KAZN: variants seen among roughly 807,000 people sequenced by gnomAD.
The protein encoded by KAZN is kazrin.
A neutral mutation model predicts 87.4 loss-of-function variants in KAZN; 40 were observed. The ratio of observed to expected loss-of-function variants is 0.46; its 90% CI spans 0.36 to 0.60. The LOEUF (loss-of-function observed/expected upper bound fraction) is 0.60, where lower values mean the gene tolerates loss of function less well. Ranked by LOEUF, KAZN falls within the 20% of genes least tolerant of loss-of-function variation. The probability of loss-of-function intolerance (pLI) is 0.00; values close to 1 mark genes in which losing one functional copy is unlikely to be tolerated. For synonymous variants in KAZN, 466 were observed against 458.3 expected (o/e 1.02, Z -0.22); for missense variants, 898 against 1,073.9 (o/e 0.84, Z 2.29).
intron 1 of KAZN, among the ~76,000 whole-genome samples, chr1:14,667,990 C>T (rs970796260): frequency 8.6e-5 from 13 of 152,020 alleles, no homozygotes; most frequent in African/African-American, 2.9e-4. Context: ...AAGCTCCAGG[C>T]GCAGGAATAA....
chr1:13,983,149 C>A (rs568250858), intron 1 of KAZN, among the ~76,000 whole-genome samples: 1 of 152,272 alleles, frequency 6.6e-6, no homozygotes, highest in Non-Finnish European at 1.5e-5. Context: ...CTGGCAGTCC[C>A]GCGCCCTGCG....
chr1:15,001,260 A>G (rs770819124), intron 2 of KAZN, among the ~76,000 whole-genome samples: 1 of 151,544 alleles, frequency 6.6e-6, no homozygotes, highest in Non-Finnish European at 1.5e-5. Context: ...TCAGGAGTTT[A>G]AGACCAGCCT....
chr1:14,874,505 G>A (rs935664126), intron 1 of KAZN, among the ~76,000 whole-genome samples: 1 of 151,904 alleles, frequency 6.6e-6, no homozygotes, highest in African/African-American at 2.4e-5. Context: ...TGGATGGATG[G>A]ATGGATGGAT....
intron 2 of KAZN, among the ~76,000 whole-genome samples, chr1:14,989,131 T>C (rs777304296): frequency 6.6e-6 from 1 of 152,240 alleles, no homozygotes; most frequent in Admixed American, 6.5e-5. Context: ...AGGAGCAGTT[T>C]AGCATTTCTC....
intron 1 of KAZN, among the ~76,000 whole-genome samples, chr1:14,059,613 C>A (rs2101508080): frequency 6.6e-6 from 1 of 152,366 alleles, no homozygotes; most frequent in African/African-American, 2.4e-5. Flanking sequence ...CTTACAGACA[C>A]ACCCAGTAAC....
At chr1:14,473,974 C>T (rs1044891023) in intron 2 of KAZN, among the ~76,000 whole-genome samples, 10 of 152,168 alleles carry the variant, frequency 6.6e-5, no homozygotes, top group South Asian at 2.1e-4. Context: ...CCATCATTCC[C>T]GGTCACATCA....
rs1650137146 is a variant in KAZN at position 14,856,603 on chromosome 1, A to C, written c.227-104081A>C. 6.6e-6 allele frequency among the ~76,000 whole-genome samples: 1 copy of C among 152,224 alleles called. No homozygotes were observed. Among genetic ancestry groups the C allele is most frequent in the African/African-American group, 2.4e-5 (1 of 41,462 alleles). ...TTTATTTCTATTTTGGTAGCTCAAC[A>C]ATTCACTAAGTGTGATGCAGCCACA... is the stretch of plus-strand genomic sequence containing the variant. On this transcript the variant is annotated intron_variant, in intron 1 of 14. Coordinates refer to ENST00000376030, the MANE Select transcript of KAZN (RefSeq NM_201628.3). This position sits in a 1 kb window ranked among gnomAD's most constrained non-coding sequence, Gnocchi z 5.2.
chr1:14,850,505 A>G (rs1178671985), intron 1 of KAZN, among the ~76,000 whole-genome samples: 1 of 152,224 alleles, frequency 6.6e-6, no homozygotes, highest in Non-Finnish European at 1.5e-5. Flanking sequence ...AGAGAGGTTA[A>G]GCAACTTGCC....
At chr1:14,916,540 A>T (rs1232731501) in intron 1 of KAZN, among the ~76,000 whole-genome samples, 2 of 152,014 alleles carry the variant, frequency 1.3e-5, no homozygotes, top group East Asian at 3.9e-4. Context: ...TCCTACTTGA[A>T]CTCTTCAAAA....
intron 2 of KAZN, among the ~76,000 whole-genome samples, chr1:14,303,307 GA>G (rs1253555549): frequency 2.0e-5 from 3 of 152,082 alleles, no homozygotes; most frequent in African/African-American, 7.2e-5. Context: ...GCCGTGGTGA[GA>G]TCTTGGCTCA....
chr1:15,004,443 C>G (rs1668802939), intron 2 of KAZN, among the ~76,000 whole-genome samples: 1 of 152,244 alleles, frequency 6.6e-6, no homozygotes, highest in African/African-American at 2.4e-5. Flanking sequence ...TTGCTACTTT[C>G]TAGCTGTTAC....
intron 2 of KAZN, among the ~76,000 whole-genome samples, chr1:14,298,486 G>T (rs1371833763): frequency 1.3e-5 from 2 of 152,134 alleles, no homozygotes; most frequent in Non-Finnish European, 2.9e-5. Flanking sequence ...TATGAGTTTA[G>T]ATTTGTAAAC....
At chr1:15,063,741 G>A in intron 7 of KAZN, 119 bp downstream of exon 7, 2 of 818,224 alleles carry the variant, frequency 2.4e-6, no homozygotes, top group African/African-American at 1.7e-5. Context: ...GAGGATTTAT[G>A]CCACTTCCGC....
At chr1:14,278,272 T>G (rs1329620924) in intron 2 of KAZN, among the ~76,000 whole-genome samples, 2 of 149,968 alleles carry the variant, frequency 1.3e-5, no homozygotes, top group Admixed American at 6.6e-5. Flanking sequence ...TTATCACACC[T>G]GAAAATTAGC....
chr1:14,688,320 G>T (rs1433568154), intron 1 of KAZN, among the ~76,000 whole-genome samples: 1 of 152,198 alleles, frequency 6.6e-6, no homozygotes, highest in African/African-American at 2.4e-5. Flanking sequence ...AAAAGACAGT[G>T]TTGAGCTAGA....
intron 1 of KAZN, among the ~76,000 whole-genome samples, chr1:14,014,662 G>A (rs6429821): frequency 0.82 from 124,511 of 152,220 alleles, 51,399 homozygotes; most frequent in African/African-American, 0.88. Context: ...TCAAATATCA[G>A]TGTTCATAAA....
intron 1 of KAZN, among the ~76,000 whole-genome samples, chr1:14,093,875 T>C (rs143008864): frequency 1.4e-4 from 22 of 152,182 alleles, no homozygotes; most frequent in Non-Finnish European, 3.1e-4. Flanking sequence ...TCTGAGCTGA[T>C]GGTAATAGAC....
chr1:14,301,538 T>C (rs1308283134), intron 2 of KAZN, among the ~76,000 whole-genome samples: 1 of 152,212 alleles, frequency 6.6e-6, no homozygotes, highest in Admixed American at 6.5e-5. Context: ...TTGTGATTCA[T>C]GTGAGGCGCT....
Position 14,578,001 on chromosome 1 carries a change from A to G in KAZN, c.250-20982A>G, listed in dbSNP as rs77387149. Among the ~76,000 whole-genome samples the G allele has an allele frequency of 7.1e-3, 1,073 of 152,190 alleles. 16 individuals are homozygous for G. The highest frequency in any genetic ancestry group is 0.024 in the African/African-American group (1,007 of 41,544). On this transcript the variant is annotated intron_variant, in intron 2 of 16. Transcript: ENST00000636203. ...CCTACTAGCTCTGTGTCCTTGGGAA[A>G]GTGTTTAACCTTCCCAAACTGCAGT... is the stretch of plus-strand genomic sequence containing the variant.
Sources: gnomAD v4.1 joint callset for allele counts (sites outside exome capture counted in the v4.1 genomes callset) on GRCh38, gnomAD v4.1.1 for gene constraint, Gnocchi (gnomAD v3.1) non-coding constraint, MANE v1.5 for transcripts, NCBI Gene and HGNC (gene_info 2026-07-23, HGNC 2026-07-21) for gene names.